The following FAM167A variants were observed in gnomAD, a reference collection of about 807,000 sequenced individuals.
FAM167A encodes protein FAM167A.
Under a neutral mutation model 14.9 loss-of-function variants are expected in FAM167A, and 23 were observed. That is an observed-to-expected ratio of 1.55 (90% confidence interval 1.11 to 2.19). FAM167A has a LOEUF of 2.19. Among genes scored for constraint, FAM167A ranks in the 30% most tolerant of loss-of-function variants. FAM167A has a pLI of 0.00. For synonymous variants in FAM167A, 174 were observed against 117.7 expected (o/e 1.48, Z -3.10); for missense variants, 401 against 281.5 (o/e 1.42, Z -3.04).
rs1804864853 is a variant in FAM167A at position 11,422,993 on chromosome 8, C to G, written c.*1380G>C. On this transcript the variant is annotated 3_prime_UTR_variant, in exon 3 of 3. Coordinates refer to ENST00000284486, the MANE Select transcript of FAM167A (RefSeq NM_053279.3). ...AAGCATCACGACCATCTTTGGGGTT[C>G]AAGTTCATTGACATGTGATCTACTA... The G allele has an allele frequency of 6.6e-6, 1 of 152,634 alleles. No homozygotes were observed. The highest frequency in any genetic ancestry group is 6.5e-5 in the Admixed American group (1 of 15,282). 9.5% of individuals were successfully genotyped at this position (152,634 alleles called of 1,614,324 possible).
chr8:11,425,605 A>T (rs1358016663), intron 2 of FAM167A, among the ~76,000 whole-genome samples: 1 of 152,136 alleles, frequency 6.6e-6, no homozygotes. Context: ...AGAGGACCCC[A>T]GAGAAGCCTG....
At chr8:11,461,351 C>T (rs915298546) in intron 1 of FAM167A, among the ~76,000 whole-genome samples, 2 of 152,270 alleles carry the variant, frequency 1.3e-5, no homozygotes, top group African/African-American at 4.8e-5. Context: ...GGGAAACGCT[C>T]GACAAGGCAG....
At chr8:11,427,872 T>G (rs75178339) in intron 2 of FAM167A, among the ~76,000 whole-genome samples, 4,551 of 152,298 alleles carry the variant, frequency 0.03, 221 homozygotes, top group African/African-American at 0.11. Context: ...TAAATTCTAT[T>G]GACCTAGAAT....
chr8:11,442,673 C>T (rs967511975), intron 2 of FAM167A, among the ~76,000 whole-genome samples: 1 of 152,068 alleles, frequency 6.6e-6, no homozygotes, highest in South Asian at 2.1e-4. Context: ...GGGCACTGTG[C>T]ATCTCCCCTC....
Position 11,444,659 on chromosome 8 carries a change from G to C in FAM167A, c.-248C>G. On this transcript the variant is annotated 5_prime_UTR_variant, in exon 2 of 3. Transcript: ENST00000284486. Reference sequence around the variant, plus strand: ...CGTCCTGGAAGCCTGTGGGTGCCATGCTCCACAGAAGGCAGGAACAGACAG... The same window carrying C: ...CGTCCTGGAAGCCTGTGGGTGCCATCCTCCACAGAAGGCAGGAACAGACAG... 1 of 1,288,796 alleles carries C rather than the reference G, an allele frequency of 7.8e-7. No homozygotes were observed. The highest frequency in any genetic ancestry group is 9.8e-7 in the Non-Finnish European group (1 of 1,019,734). The allele number at this position is 1,288,796 out of a possible 1,614,324, so 79.8% of individuals were successfully genotyped here. A position where few individuals can be genotyped will look rare whatever the true frequency, so the allele number is the denominator to read the frequency against.
intron 2 of FAM167A, among the ~76,000 whole-genome samples, chr8:11,441,210 C>T (rs1806414215): frequency 6.6e-6 from 1 of 152,194 alleles, no homozygotes; most frequent in African/African-American, 2.4e-5. Context: ...CCCCAAGCCA[C>T]ATGGGCAGTT....
chr8:11,464,030 G>A (rs746477477), intron 1 of FAM167A, among the ~76,000 whole-genome samples: 1 of 152,182 alleles, frequency 6.6e-6, no homozygotes, highest in Non-Finnish European at 1.5e-5. Context: ...CTTGACGGCT[G>A]TGCCCACAGG....
At chr8:11,432,857 G>T (rs377691767) in intron 2 of FAM167A, among the ~76,000 whole-genome samples, 2 of 152,114 alleles carry the variant, frequency 1.3e-5, no homozygotes, top group African/African-American at 2.4e-5. Context: ...ATGTGGCACA[G>T]ATACACCATG....
intron 2 of FAM167A, among the ~76,000 whole-genome samples, chr8:11,426,153 C>G (rs750684576): frequency 6.6e-6 from 1 of 152,202 alleles, no homozygotes; most frequent in Non-Finnish European, 1.5e-5. Flanking sequence ...TTAACTCTTT[C>G]AATCAACTGG....
At chr8:11,447,461 G>A (rs927566980) in intron 1 of FAM167A, among the ~76,000 whole-genome samples, 1 of 152,224 alleles carries the variant, frequency 6.6e-6, no homozygotes, top group Non-Finnish European at 1.5e-5. Context: ...CTGGTGGCAC[G>A]GGCATTAGCC....
chr8:11,426,571 C>T (rs568649413), intron 2 of FAM167A, among the ~76,000 whole-genome samples: 71 of 152,220 alleles, frequency 4.7e-4, no homozygotes, highest in African/African-American at 1.6e-3. Flanking sequence ...ATTTTGCCGA[C>T]GTTAAGGATG....
upstream of FAM167A, among the ~76,000 whole-genome samples, chr8:11,471,739 C>T (rs73209260): frequency 0.16 from 23,792 of 152,202 alleles, 2,490 homozygotes; most frequent in Non-Finnish European, 0.24. Flanking sequence ...TCAGGGGTTG[C>T]CCTCTCAGAA....
chr8:11,466,242 G>C (rs1807759273), intron 1 of FAM167A, among the ~76,000 whole-genome samples: 1 of 152,218 alleles, frequency 6.6e-6, no homozygotes, highest in Non-Finnish European at 1.5e-5. Flanking sequence ...CTATACACAG[G>C]AGCCAGGCTG....
intron 1 of FAM167A, among the ~76,000 whole-genome samples, chr8:11,450,540 CT>C (rs1806981896): frequency 6.6e-6 from 1 of 152,130 alleles, no homozygotes; most frequent in Non-Finnish European, 1.5e-5. Context: ...CCCCTAACCA[CT>C]GGGCTTACTG....
At position 11,421,500 on chromosome 8, in the gene FAM167A, T is replaced by C. The variant is rs1804721418; in HGVS notation, c.*2873A>G. 2 of 373,262 alleles carry C rather than the reference T, an allele frequency of 5.4e-6. No individual in the cohort carries two copies. The highest frequency in any genetic ancestry group is 2.1e-5 in the African/African-American group (1 of 48,108). 23.1% of individuals were successfully genotyped at this position (373,262 alleles called of 1,614,324 possible). On this transcript the variant is annotated 3_prime_UTR_variant, in exon 3 of 3. Coordinates refer to ENST00000284486, the MANE Select transcript of FAM167A (RefSeq NM_053279.3). ...CTTTTATTTTTATATGGATATCTTC[T>C]TTTGAAGTATTTTTATTTCACTTTT...
At chr8:11,438,741 C>T (rs1027108026) in intron 2 of FAM167A, 1 of 351,578 alleles carries the variant, frequency 2.8e-6, no homozygotes, top group East Asian at 7.5e-5. Context: ...GAACAGGAAT[C>T]TTCCTCCTGC....
intron 1 of FAM167A, among the ~76,000 whole-genome samples, chr8:11,455,991 C>G (rs28700987): frequency 0.88 from 109,550 of 124,000 alleles, 47,985 homozygotes; most frequent in African/African-American, 0.95. Context: ...TGGTTGCCTT[C>G]TGGGTATGAG....
At chr8:11,451,124 G>A (rs1341218728) in intron 1 of FAM167A, among the ~76,000 whole-genome samples, 3 of 152,216 alleles carry the variant, frequency 2.0e-5, no homozygotes, top group Admixed American at 1.3e-4. Flanking sequence ...CTCCTGGGGC[G>A]TGGGGAGACA....
intron 2 of FAM167A, chr8:11,438,563 C>A: frequency 2.2e-6 from 1 of 452,536 alleles, no homozygotes; most frequent in Middle Eastern, 3.3e-4. Flanking sequence ...CTTGATTATA[C>A]ATGATATATT....
Sources: gnomAD v4.1 joint callset for allele counts (sites outside exome capture counted in the v4.1 genomes callset) on GRCh38, gnomAD v4.1.1 for gene constraint, MANE v1.5 for transcripts, NCBI Gene and HGNC (gene_info 2026-07-23, HGNC 2026-07-21) for gene names.